The following ZNF519 variants were observed in gnomAD, a reference collection of about 807,000 sequenced individuals.
The protein encoded by ZNF519 is similar to Zinc finger protein 85 (Zinc finger protein HPF4) (HTF1).
In ZNF519, 7 loss-of-function variants were observed where a neutral mutation model predicts 7.4. That is an observed-to-expected ratio of 0.94 (90% CI 0.54 to 1.77). The LOEUF (loss-of-function observed/expected upper bound fraction) is 1.77, where lower values mean the gene tolerates loss of function less well. Ranked by LOEUF, ZNF519 falls within the 40% of genes most tolerant of loss-of-function variation. ZNF519 has a pLI of 0.00. For missense variants in ZNF519, 586 were observed against 623.1 expected, an observed-to-expected ratio of 0.94 and a Z score of 0.63; for synonymous variants, 179 against 203.3, an observed-to-expected ratio of 0.88 and a Z score of 1.02.
At chr18:14,130,521 T>C (rs1383270737) in intron 1 of ZNF519, among the ~76,000 whole-genome samples, 3 of 152,104 alleles carry the variant, frequency 2.0e-5, no homozygotes, top group Non-Finnish European at 4.4e-5. Flanking sequence ...GTGGCAGTGC[T>C]TTCTGGAACA....
chr18:14,083,562 C>G (rs1268494629), intron 3 of ZNF519, among the ~76,000 whole-genome samples: 1 of 152,058 alleles, frequency 6.6e-6, no homozygotes, highest in Non-Finnish European at 1.5e-5. Flanking sequence ...GAAATCCAAC[C>G]TTTATTTCTC....
intron 2 of ZNF519, among the ~76,000 whole-genome samples, chr18:14,112,372 A>G (rs1382119719): frequency 6.6e-6 from 1 of 152,160 alleles, no homozygotes; most frequent in Non-Finnish European, 1.5e-5. Context: ...AATGGGGAAA[A>G]ATGAAAAGCT....
At position 14,101,491 on chromosome 18, in the gene ZNF519, G is replaced by A; in HGVS notation, c.*3426C>T. Reference sequence around the variant, plus strand: ...CCGATTGTACACCTGAACAGTGCTGGGGTGAAATGGTGGGGCTGAAGGAAG... The same window carrying A: ...CCGATTGTACACCTGAACAGTGCTGAGGTGAAATGGTGGGGCTGAAGGAAG... On this transcript the variant is annotated 3_prime_UTR_variant, in exon 3 of 3. Transcript: ENST00000590202. 5.1e-6 allele frequency: 2 copies of A among 395,894 alleles called. No individual in the cohort carries two copies. Among genetic ancestry groups the A allele is most frequent in the Non-Finnish European group, 8.9e-6 (2 of 224,942 alleles). The allele number at this position is 395,894 out of a possible 1,614,324, so 24.5% of individuals were successfully genotyped here.
intron 2 of ZNF519, among the ~76,000 whole-genome samples, chr18:14,112,416 A>C (rs991444239): frequency 3.9e-5 from 6 of 152,306 alleles, no homozygotes; most frequent in Non-Finnish European, 5.9e-5. Context: ...AAGGATGCAC[A>C]CTTTCACCAC....
intron 1 of ZNF519, among the ~76,000 whole-genome samples, 168 bp from the exon 2 acceptor site, chr18:14,124,644 A>G (rs1056055027): frequency 1.1e-4 from 17 of 152,242 alleles, no homozygotes; most frequent in East Asian, 5.8e-4. Context: ...AAAGGATGCC[A>G]GCAAGCAATT....
At chr18:14,118,302 C>T (rs1192250613) in intron 2 of ZNF519, among the ~76,000 whole-genome samples, 16 of 152,182 alleles carry the variant, frequency 1.1e-4, no homozygotes, top group Admixed American at 3.9e-4. Context: ...TCGTGATCCA[C>T]CTGCCTCGGC....
chr18:14,084,634 T>C (rs2143085855), intron 3 of ZNF519, among the ~76,000 whole-genome samples: 1 of 152,064 alleles, frequency 6.6e-6, no homozygotes, highest in African/African-American at 2.4e-5. Flanking sequence ...CTTCCCAGTC[T>C]CCCTCCCATT....
chr18:14,096,035 G>C (rs1233000260), downstream of ZNF519, among the ~76,000 whole-genome samples: 1 of 152,222 alleles, frequency 6.6e-6, no homozygotes, highest in East Asian at 1.9e-4. Flanking sequence ...TGGGGCTGAA[G>C]GTTTCTGCCT....
In ZNF519 at chr18:14,105,171, C is replaced by G; in HGVS notation, c.1369G>C (p.Glu457Gln). The G allele has an allele frequency of 6.4e-7, 1 of 1,571,466 alleles. No homozygotes were observed. Among genetic ancestry groups the G allele is most frequent in the South Asian group, 1.1e-5 (1 of 90,308 alleles). Reference sequence around the variant, plus strand: ...CATTCTTCACATTTGAAAGACTTCTCTCCAGTATGGATTCTTTGATGTCGA... The same window carrying G: ...CATTCTTCACATTTGAAAGACTTCTGTCCAGTATGGATTCTTTGATGTCGA... The part of the protein sequence containing the change: ...LTRHQRIHTG[E>Q]KSFKCEECGK... Residue 457 changes from glutamate (E) to glutamine (Q), a missense_variant, in exon 3 of 3, where the codon GAG (glutamate) becomes CAG (glutamine). Physicochemically the swap from Glu to Gln is conservative, Grantham distance 29. Transcript: ENST00000590202.
At chr18:14,088,713 T>C (rs28580509) in intron 2 of ZNF519, among the ~76,000 whole-genome samples, 3,363 of 152,306 alleles carry the variant, frequency 0.022, 128 homozygotes, top group African/African-American at 0.074. Context: ...GATAATCTTA[T>C]ATCCAAGGAA....
At chr18:14,109,056 C>A (rs2046208681) in intron 2 of ZNF519, among the ~76,000 whole-genome samples, 1 of 151,278 alleles carries the variant, frequency 6.6e-6, no homozygotes. Flanking sequence ...GCAGGGAGCC[C>A]AGATTGCACC....
intron 3 of ZNF519, chr18:14,080,397 C>G (rs1168006901): frequency 6.8e-6 from 1 of 147,912 alleles, no homozygotes; most frequent in Non-Finnish European, 1.5e-5. Context: ...TCCCAGCTCA[C>G]TGCAACCTCC....
chr18:14,113,900 G>A (rs529986860), intron 2 of ZNF519, among the ~76,000 whole-genome samples: 7 of 152,210 alleles, frequency 4.6e-5, no homozygotes, highest in African/African-American at 1.7e-4. Flanking sequence ...ACCACATGTT[G>A]AGCACCTTGT....
intron 2 of ZNF519, among the ~76,000 whole-genome samples, chr18:14,086,076 T>G (rs2046089319): frequency 6.6e-6 from 1 of 151,918 alleles, no homozygotes. Context: ...CTCTAAACCC[T>G]GGGCAGCACA....
At chr18:14,098,558 A>C (rs1191103466), downstream of ZNF519, among the ~76,000 whole-genome samples, 2 of 152,146 alleles carry the variant, frequency 1.3e-5, no homozygotes, top group African/African-American at 4.8e-5. Context: ...TCAGGATAGC[A>C]GTGGATATTC....
downstream of ZNF519, chr18:14,073,438 T>A (rs146026434): frequency 1.7e-4 from 26 of 152,214 alleles, no homozygotes; most frequent in African/African-American, 5.3e-4. Flanking sequence ...GCCCAGCTAA[T>A]GTTTGCATTT....
intron 2 of ZNF519, among the ~76,000 whole-genome samples, chr18:14,117,449 T>A (rs1219348755): frequency 6.6e-6 from 1 of 152,144 alleles, no homozygotes; most frequent in Non-Finnish European, 1.5e-5. Flanking sequence ...CATAGAGGAA[T>A]TGAAACCCTT....
Position 14,103,461 on chromosome 18 carries a change from A to G in ZNF519, c.*1456T>C, listed in dbSNP as rs1369436515. On this transcript the variant is annotated 3_prime_UTR_variant, in exon 3 of 3. Coordinates refer to ENST00000590202, the MANE Select transcript of ZNF519 (RefSeq NM_145287.4). Reference sequence around the variant, plus strand: ...TCCTAATTAATGTGTTAAAGAAAAAATGAAACTGGAAAATATTTTCAGATA... The same window carrying G: ...TCCTAATTAATGTGTTAAAGAAAAAGTGAAACTGGAAAATATTTTCAGATA... 1 of 152,176 alleles carries G rather than the reference A, an allele frequency of 6.6e-6. No homozygotes were observed. The highest frequency in any genetic ancestry group is 1.5e-5 in the Non-Finnish European group (1 of 67,992). 9.4% of individuals were successfully genotyped at this position (152,176 alleles called of 1,614,324 possible). A position where few individuals can be genotyped will look rare whatever the true frequency, so the allele number is the denominator to read the frequency against.
In ZNF519 at chr18:14,106,177, A is replaced by C; in HGVS notation, c.363T>G (p.Tyr121Ter). ...ACTGAGGCTTCTTCTGAAATATTCT[A>C]TATTCTTTGTCTCCTTTCACAGTTA... ...KHLTVKGDKE[Y>*]RIFQKKPQFL... Residue 121 changes from tyrosine (Y) to a stop codon, truncating the protein, a stop_gained, in exon 3 of 3, where the codon TAT becomes TAG. Coordinates refer to ENST00000590202, the MANE Select transcript of ZNF519 (RefSeq NM_145287.4). LOFTEE classifies it low-confidence loss of function (END_TRUNC). 1.9e-6 allele frequency: 3 copies of C among 1,612,718 alleles called. No individual in the cohort carries two copies. Among genetic ancestry groups the C allele is most frequent in the African/African-American group, 1.3e-5 (1 of 74,830 alleles).
Sources: gnomAD v4.1 joint callset for allele counts (sites outside exome capture counted in the v4.1 genomes callset) on GRCh38, gnomAD v4.1.1 for gene constraint, MANE v1.5 for transcripts, NCBI Gene and HGNC (gene_info 2026-07-23, HGNC 2026-07-21) for gene names.